The following VGLL4 variants were observed in gnomAD, a reference collection of about 807,000 sequenced individuals.
VGLL4 encodes vestigial like family member 4.
In VGLL4, 7 loss-of-function variants were observed where a neutral mutation model predicts 21.0. The ratio of observed to expected loss-of-function variants is 0.33; its 90% CI spans 0.19 to 0.63. The LOEUF (loss-of-function observed/expected upper bound fraction) is 0.63, where lower values mean the gene tolerates loss of function less well. Ranked by LOEUF, VGLL4 falls within the 20% of genes least tolerant of loss-of-function variation. The pLI is 0.78. For missense variants in VGLL4, 394 were observed against 425.7 expected (o/e 0.93, Z 0.66); for synonymous variants, 222 against 173.2 (o/e 1.28, Z -2.21).
chr3:11,640,480 G>A (rs911542444), intron 1 of VGLL4, among the ~76,000 whole-genome samples: 73 of 152,130 alleles, frequency 4.8e-4, no homozygotes, highest in African/African-American at 1.5e-3. Flanking sequence ...AAGCCATGAG[G>A]TTCTGAACAC....
rs145282651 is a variant in VGLL4 at position 11,569,174 on chromosome 3, C to A, written c.273-4155G>T. Among the ~76,000 whole-genome samples, 555 of 152,318 alleles carry A rather than the reference C, an allele frequency of 3.6e-3. 3 individuals carry two copies. Among genetic ancestry groups the A allele is most frequent in the African/African-American group, 0.013 (533 of 41,588 alleles). The stretch of plus-strand genomic sequence containing the variant: ...ATACTCATTAAAATGAGTTTCCCAC[C>A]CTCCAACAAACGTGCTTTGGGATGC... On this transcript the variant is annotated intron_variant, in intron 2 of 4. Transcript: ENST00000430365.
chr3:11,589,495 A>G (rs1443354200), intron 2 of VGLL4, among the ~76,000 whole-genome samples: 3 of 152,218 alleles, frequency 2.0e-5, no homozygotes, highest in Admixed American at 1.3e-4. Context: ...AAGGTTTGTG[A>G]TAAGAGAATT....
intron 2 of VGLL4, among the ~76,000 whole-genome samples, chr3:11,696,104 C>T (rs758441322): frequency 7.9e-4 from 121 of 152,232 alleles, no homozygotes; most frequent in Non-Finnish European, 4.3e-4. Context: ...CACAGTTGCA[C>T]ACACAGTTGC....
intron 1 of VGLL4, among the ~76,000 whole-genome samples, chr3:11,605,794 C>T (rs1289439538): frequency 2.0e-5 from 3 of 152,104 alleles, no homozygotes; most frequent in African/African-American, 7.2e-5. Context: ...GGGCAGTTTA[C>T]AGAGCTTTAG....
intron 1 of VGLL4, among the ~76,000 whole-genome samples, chr3:11,642,708 G>T (rs2075718069): frequency 6.6e-6 from 1 of 152,234 alleles, no homozygotes; most frequent in Non-Finnish European, 1.5e-5. Flanking sequence ...AAGACAGTGG[G>T]GGAAGCACCT....
chr3:11,613,706 G>GT (rs1559900784), intron 1 of VGLL4, among the ~76,000 whole-genome samples: 2 of 152,172 alleles, frequency 1.3e-5, no homozygotes, highest in South Asian at 2.1e-4. Flanking sequence ...TCCAACTACC[G>GT]TGAGGGATTT....
intron 1 of VGLL4, among the ~76,000 whole-genome samples, chr3:11,637,097 C>T (rs899907215): frequency 3.3e-5 from 5 of 150,422 alleles, no homozygotes; most frequent in African/African-American, 7.3e-5. Context: ...GAATTAGACA[C>T]ATGGTAGTAA....
intron 1 of VGLL4, among the ~76,000 whole-genome samples, chr3:11,620,582 T>C (rs1427199664): frequency 2.6e-5 from 4 of 152,184 alleles, no homozygotes; most frequent in Middle Eastern, 3.2e-3. Context: ...TCTCCTTCTC[T>C]ATGGAAATTC....
chr3:11,639,880 GA>G (rs902067098), intron 1 of VGLL4, among the ~76,000 whole-genome samples: 18 of 144,532 alleles, frequency 1.2e-4, no homozygotes, highest in African/African-American at 2.8e-4. Context: ...CGTCTCAAAA[GA>G]AAAAAAAAAG....
intron 2 of VGLL4, among the ~76,000 whole-genome samples, chr3:11,579,712 T>G (rs1429491414): frequency 6.6e-6 from 1 of 152,130 alleles, no homozygotes; most frequent in Non-Finnish European, 1.5e-5. Context: ...CCCCCAAGTT[T>G]CATGCACCCC....
At chr3:11,659,668 T>TA (rs1434970008) in intron 2 of VGLL4, among the ~76,000 whole-genome samples, 25 of 152,162 alleles carry the variant, frequency 1.6e-4, no homozygotes, top group East Asian at 7.7e-4. Context: ...GGGGATTTCA[T>TA]AAAAAAAGTG....
At position 11,688,065 on chromosome 3, in the gene VGLL4, C is replaced by G. The variant is rs114250641; in HGVS notation, c.64+14906G>C. ...TAAATATATTAATTTTTCCTTTAAT[C>G]TGTTAAAGTAATATAATTTATTACA... On this transcript the variant is annotated intron_variant, in intron 2 of 5. Transcript: ENST00000273038. Among the ~76,000 whole-genome samples the G allele has an allele frequency of 7.6e-3, 1,155 of 152,150 alleles. 6 individuals carry two copies. Among genetic ancestry groups the G allele is most frequent in the Middle Eastern group, 0.02 (6 of 294 alleles).
At chr3:11,582,197 AAATT>A in intron 2 of VGLL4, 1 of 1,461,250 alleles carries the variant, frequency 6.8e-7, no homozygotes, top group Non-Finnish European at 9.4e-7. Context: ...CTCGCAGTTT[AAATT>A]AATTACAGCT....
chr3:11,573,316 G>GAAGGAAGGAAGA (rs2073910741), intron 2 of VGLL4, among the ~76,000 whole-genome samples: 4 of 20,754 alleles, frequency 1.9e-4, no homozygotes, highest in Non-Finnish European at 1.6e-4. Flanking sequence ...AGGAAGGAAG[G>GAAGGAAGGAAGA]AAGAAAGAAA....
intron 1 of VGLL4, among the ~76,000 whole-genome samples, chr3:11,709,435 T>TAAAAA (rs58100629): frequency 4.6e-5 from 5 of 108,858 alleles, no homozygotes; most frequent in African/African-American, 1.7e-4. Context: ...AGACTCCGTC[T>TAAAAA]AAAAAAAAAA....
intron 1 of VGLL4, among the ~76,000 whole-genome samples, 160 bp from the exon 2 acceptor site, chr3:11,602,182 G>C (rs1225947808): frequency 6.6e-6 from 1 of 152,160 alleles, no homozygotes; most frequent in Non-Finnish European, 1.5e-5. Flanking sequence ...AACATGGTTT[G>C]AGTGTGGTTA....
rs746416276 is a variant in VGLL4 at position 11,667,842 on chromosome 3, C to CTTTT, written c.64+35125_64+35128dup. 6.3e-3 allele frequency among the ~76,000 whole-genome samples: 435 copies of CTTTT among 69,378 alleles called. 5 individuals are homozygous for CTTTT. Among genetic ancestry groups the CTTTT allele is most frequent in the African/African-American group, 8.3e-3 (138 of 16,668 alleles). 45.5% of individuals were successfully genotyped at this position (69,378 alleles called of 152,430 possible). A position where few individuals can be genotyped will look rare whatever the true frequency, so the allele number is the denominator to read the frequency against. On this transcript the variant is annotated intron_variant, in intron 2 of 5. Coordinates refer to the VGLL4 transcript ENST00000273038. Reference sequence around the variant, plus strand: ...GAGGGTCTCAAATTTCTATCTTCTTCTTTTTTTTTTTTTTTTTTTTTTTTT... The same window carrying CTTTT: ...GAGGGTCTCAAATTTCTATCTTCTTCTTTTTTTTTTTTTTTTTTTTTTTTTTTTT...
intron 2 of VGLL4, among the ~76,000 whole-genome samples, chr3:11,590,334 T>C (rs1025518783): frequency 5.3e-5 from 8 of 152,172 alleles, no homozygotes; most frequent in Non-Finnish European, 8.8e-5. Context: ...CCTGACGTAA[T>C]AGGAGTTGGT....
At chr3:11,596,197 T>G (rs1255437988) in intron 2 of VGLL4, among the ~76,000 whole-genome samples, 15 of 152,052 alleles carry the variant, frequency 9.9e-5, no homozygotes, top group Admixed American at 7.9e-4. Context: ...ATATCTTACA[T>G]ACTCAAAAAA....
Sources: allele counts gnomAD v4.1 joint callset (sites outside exome capture counted in the v4.1 genomes callset), GRCh38; gene constraint gnomAD v4.1.1; transcripts MANE v1.5; gene names NCBI Gene and HGNC (gene_info 2026-07-23, HGNC 2026-07-21).